SFMBT1: variants seen among roughly 807,000 people sequenced by gnomAD.
The protein encoded by SFMBT1 is Scm like with four mbt domains 1.
A neutral mutation model predicts 108.7 loss-of-function variants in SFMBT1; 32 were observed. The observed-to-expected ratio is 0.29, with a 90% CI of 0.22 to 0.40. The LOEUF is 0.40. Ranked by LOEUF, SFMBT1 falls within the 10% of genes least tolerant of loss-of-function variation. SFMBT1 has a pLI of 1.00. For synonymous variants in SFMBT1, 348 were observed against 369.5 expected, an observed-to-expected ratio of 0.94 and a Z score of 0.67; for missense variants, 816 against 1,059.6, an observed-to-expected ratio of 0.77 and a Z score of 3.19.
chr3:52,926,555 T>C (rs1702665790), intron 9 of SFMBT1, among the ~76,000 whole-genome samples: 1 of 152,368 alleles, frequency 6.6e-6, no homozygotes, highest in South Asian at 2.1e-4. Flanking sequence ...AGACTTTTTT[T>C]CTTTGTTAAA....
chr3:53,045,645 G>A (rs1268003798), intron 1 of SFMBT1, among the ~76,000 whole-genome samples, 171 bp downstream of exon 1: 34 of 116,958 alleles, frequency 2.9e-4, no homozygotes, highest in East Asian at 1.5e-3. Context: ...TGCCGCCGCC[G>A]CCGCCCGTTG....
rs534021800 is a variant in SFMBT1 at position 52,996,808 on chromosome 3, G to T, written c.-130-27550C>A. 2.7e-5 allele frequency among the ~76,000 whole-genome samples: 4 copies of T among 150,452 alleles called. 1 individual carries two copies. Among genetic ancestry groups the T allele is most frequent in the East Asian group, 3.9e-4 (2 of 5,136 alleles). On this transcript the variant is annotated intron_variant, in intron 1 of 20. Coordinates refer to ENST00000394752, the MANE Select transcript of SFMBT1 (RefSeq NM_016329.4). ...ACACAGGCCGGGCACGGTGGCTCAC[G>T]CCTGTAATCCCAGCACTTTGGGAGG...
chr3:52,937,162 C>T (rs186754260), intron 4 of SFMBT1, among the ~76,000 whole-genome samples: 1 of 152,150 alleles, frequency 6.6e-6, no homozygotes, highest in East Asian at 1.9e-4. Flanking sequence ...TCTTTATTTG[C>T]TTTTGCCTAC....
At chr3:52,955,507 A>C (rs1703749777) in intron 2 of SFMBT1, among the ~76,000 whole-genome samples, 1 of 152,070 alleles carries the variant, frequency 6.6e-6, no homozygotes. Context: ...CACAATAAAA[A>C]ATGATAAAGG....
intron 10 of SFMBT1, among the ~76,000 whole-genome samples, chr3:52,923,668 G>A (rs554019624): frequency 1.3e-4 from 20 of 151,776 alleles, no homozygotes; most frequent in African/African-American, 4.8e-4. Context: ...GAAAGACAAA[G>A]TTTAGGAAAT....
At position 53,040,968 on chromosome 3, in the gene SFMBT1, A is replaced by ATTTTTTTTTT. The variant is rs57640588; in HGVS notation, c.-131+4838_-131+4847dup. On this transcript the variant is annotated intron_variant, in intron 1 of 20. Coordinates refer to ENST00000394752, the MANE Select transcript of SFMBT1 (RefSeq NM_016329.4). The stretch of plus-strand genomic sequence containing the variant: ...TACAGGCATGCACCAAGACACCTGA[A>ATTTTTTTTTT]TTTTTTTTTTTTTTTTTTTTTTTTT... 1.8e-3 allele frequency among the ~76,000 whole-genome samples: 83 copies of ATTTTTTTTTT among 46,382 alleles called. 9 individuals are homozygous for ATTTTTTTTTT. Among genetic ancestry groups the ATTTTTTTTTT allele is most frequent in the African/African-American group, 2.7e-3 (32 of 11,916 alleles). 30.4% of individuals were successfully genotyped at this position (46,382 alleles called of 152,430 possible). A position where few individuals can be genotyped will look rare whatever the true frequency, so the allele number is the denominator to read the frequency against.
chr3:52,963,860 T>C (rs868231002), intron 2 of SFMBT1, among the ~76,000 whole-genome samples: 14 of 152,296 alleles, frequency 9.2e-5, no homozygotes, highest in South Asian at 2.1e-4. Context: ...ATATCTAAAA[T>C]GTTGGTATTA....
At chr3:52,951,832 G>T (rs914371337) in intron 3 of SFMBT1, among the ~76,000 whole-genome samples, 1 of 152,182 alleles carries the variant, frequency 6.6e-6, no homozygotes, top group African/African-American at 2.4e-5. Flanking sequence ...CTTCCAGCTT[G>T]GGCGTTAGGG....
intron 1 of SFMBT1, among the ~76,000 whole-genome samples, chr3:53,016,991 G>A (rs1338320189): frequency 1.3e-5 from 2 of 151,966 alleles, no homozygotes; most frequent in Non-Finnish European, 2.9e-5. Flanking sequence ...AACTAGATTC[G>A]TCTCCAGTGT....
chr3:53,035,741 C>T (rs1200169490), intron 1 of SFMBT1, among the ~76,000 whole-genome samples: 2 of 152,194 alleles, frequency 1.3e-5, no homozygotes, highest in African/African-American at 4.8e-5. Context: ...GGATTACAGG[C>T]ACATGTCACC....
rs375223615 is a variant in SFMBT1 at position 52,930,310 on chromosome 3, A to C, written c.897+19T>G. 5 of 1,432,810 alleles carry C rather than the reference A, an allele frequency of 3.5e-6. No homozygotes were observed. Among genetic ancestry groups the C allele is most frequent in the Non-Finnish European group, 3.9e-6 (4 of 1,014,850 alleles). The allele number at this position is 1,432,810 out of a possible 1,614,324, so 88.8% of individuals were successfully genotyped here. A position where few individuals can be genotyped will look rare whatever the true frequency, so the allele number is the denominator to read the frequency against. ...CACCTTGACAGGGATTCTTACCAAG[A>C]GAGTTATCTCCATTTTACCTTAACA... On this transcript the variant is annotated intron_variant, in intron 8 of 20. Transcript: ENST00000394752.
At chr3:52,913,890 T>C (rs1425481130) in intron 14 of SFMBT1, among the ~76,000 whole-genome samples, 2 of 152,320 alleles carry the variant, frequency 1.3e-5, no homozygotes, top group South Asian at 2.1e-4. Flanking sequence ...CTATCTTCTA[T>C]TAATAAAGAA....
At position 52,930,319 on chromosome 3, in the gene SFMBT1, T is replaced by TCC; in HGVS notation, c.897+8_897+9dup. The TCC allele has an allele frequency of 2.0e-6, 3 of 1,523,272 alleles. No individual in the cohort carries two copies. The highest frequency in any genetic ancestry group is 9.1e-7 in the Non-Finnish European group (1 of 1,097,272). The allele number at this position is 1,523,272 out of a possible 1,614,324, so 94.4% of individuals were successfully genotyped here. ...AGGGATTCTTACCAAGAGAGTTATCTCCATTTTACCTTAACAACTGTAGCA... is the reference window on the plus strand; with the variant it reads ...AGGGATTCTTACCAAGAGAGTTATCTCCCCATTTTACCTTAACAACTGTAGCA... On this transcript the variant is annotated intron_variant, in intron 8 of 20. Transcript: ENST00000394752.
chr3:52,927,514 A>G (rs1702692432), intron 9 of SFMBT1, among the ~76,000 whole-genome samples: 1 of 152,160 alleles, frequency 6.6e-6, no homozygotes, highest in Admixed American at 6.5e-5. Flanking sequence ...AAATAATCTG[A>G]TTTGCTAATA....
chr3:53,020,950 T>G (rs941690804), intron 1 of SFMBT1, among the ~76,000 whole-genome samples: 5 of 151,928 alleles, frequency 3.3e-5, no homozygotes, highest in African/African-American at 1.2e-4. Flanking sequence ...CCTAGCTACA[T>G]GAGAGGCCGA....
At chr3:52,950,626 C>T (rs1259402469) in intron 3 of SFMBT1, among the ~76,000 whole-genome samples, 1 of 152,116 alleles carries the variant, frequency 6.6e-6, no homozygotes, top group Non-Finnish European at 1.5e-5. Flanking sequence ...AGGCACCCAC[C>T]ATCATGCCTG....
rs73084918 is a variant in SFMBT1 at position 52,906,272 on chromosome 3, T to C, written c.2332-31A>G. The C allele has an allele frequency of 5.2e-4, 842 of 1,613,698 alleles. 2 individuals are homozygous for C. Among genetic ancestry groups the C allele is most frequent in the Non-Finnish European group, 6.9e-4 (810 of 1,179,696 alleles). On this transcript the variant is annotated intron_variant, in intron 19 of 20. Coordinates refer to ENST00000394752, the MANE Select transcript of SFMBT1 (RefSeq NM_016329.4). The stretch of plus-strand genomic sequence containing the variant: ...TTCCCCACAACACAATCAAACCAAA[T>C]GGTGTTACGGCTATTTTATTCTAAA...
intron 1 of SFMBT1, among the ~76,000 whole-genome samples, chr3:52,997,316 T>A (rs1395010018): frequency 6.7e-6 from 1 of 149,784 alleles, no homozygotes; most frequent in Non-Finnish European, 1.5e-5. Context: ...GGGGGGCGGA[T>A]CACGAGGTCA....
intron 3 of SFMBT1, among the ~76,000 whole-genome samples, chr3:52,946,122 C>G (rs1575393191): frequency 6.6e-6 from 1 of 152,168 alleles, no homozygotes; most frequent in South Asian, 2.1e-4. Context: ...AAAAACAAAT[C>G]CAAATTGAGG....
Sources: gnomAD v4.1 joint callset for allele counts (sites outside exome capture counted in the v4.1 genomes callset) on GRCh38, gnomAD v4.1.1 for gene constraint, MANE v1.5 for transcripts, NCBI Gene and HGNC (gene_info 2026-07-23, HGNC 2026-07-21) for gene names.